Variants in TENM3 observed in about 807,000 individuals in gnomAD.
TENM3 encodes teneurin transmembrane protein 3.
A neutral mutation model predicts 255.1 loss-of-function variants in TENM3; 63 were observed. The observed-to-expected ratio is 0.25, with a 90% CI of 0.20 to 0.30. The LOEUF (loss-of-function observed/expected upper bound fraction) is 0.30. Ranked by LOEUF, TENM3 falls within the 10% of genes least tolerant of loss-of-function variation. The pLI, the probability that TENM3 is intolerant of heterozygous loss-of-function variation, is 1.00. For synonymous variants in TENM3, 1,306 were observed against 1,322.3 expected, an observed-to-expected ratio of 0.99 and a Z score of 0.27; for missense variants, 2,929 against 3,461.1, an observed-to-expected ratio of 0.85 and a Z score of 3.86.
the TENM3 span, among the ~76,000 whole-genome samples, chr4:181,981,983 TG>T: frequency 1.3e-5 from 2 of 152,044 alleles, no homozygotes; most frequent in Non-Finnish European, 2.9e-5. Context: ...GTGGTATACG[TG>T]GGAAGTGAAT....
chr4:181,897,838 ATTCT>A, the TENM3 span, among the ~76,000 whole-genome samples: 298 of 152,338 alleles, frequency 2.0e-3, 1 homozygote, highest in African/African-American at 6.8e-3. Flanking sequence ...AAATTTATTC[ATTCT>A]TTCTTCCCCT....
At chr4:181,687,771 C>G in the TENM3 span, among the ~76,000 whole-genome samples, 1 of 152,082 alleles carries the variant, frequency 6.6e-6, no homozygotes, top group African/African-American at 2.4e-5. Flanking sequence ...AGTAGTAAAG[C>G]CTGGTCAGCC....
chr4:181,895,185 A>T, the TENM3 span, among the ~76,000 whole-genome samples: 1 of 151,980 alleles, frequency 6.6e-6, no homozygotes, highest in Non-Finnish European at 1.5e-5. Flanking sequence ...TAACTGTTGG[A>T]TTTCATTCCC....
At chr4:181,980,615 G>A in the TENM3 span, among the ~76,000 whole-genome samples, 22 of 152,146 alleles carry the variant, frequency 1.4e-4, no homozygotes, top group East Asian at 3.7e-3. Flanking sequence ...TCTATTTTTA[G>A]TCTCACCCTG....
chr4:182,678,092 G>A (rs2152562066), intron 7 of TENM3, among the ~76,000 whole-genome samples: 1 of 152,006 alleles, frequency 6.6e-6, no homozygotes, highest in East Asian at 1.9e-4. Context: ...CACACTTCAG[G>A]AATAGAATGA....
chr4:181,902,741 A>G, the TENM3 span, among the ~76,000 whole-genome samples: 1 of 151,964 alleles, frequency 6.6e-6, no homozygotes. Context: ...AGGGAGGGGA[A>G]CATTACATAC....
the TENM3 span, among the ~76,000 whole-genome samples, chr4:181,927,780 C>G: frequency 6.6e-6 from 1 of 152,198 alleles, no homozygotes; most frequent in African/African-American, 2.4e-5. Flanking sequence ...AGAGCTCCAG[C>G]TGGCATCTGG....
At chr4:182,794,733 C>G (rs1766365152) in intron 26 of TENM3, among the ~76,000 whole-genome samples, 1 of 152,196 alleles carries the variant, frequency 6.6e-6, no homozygotes, top group South Asian at 2.1e-4. Flanking sequence ...AACATCAGAT[C>G]CCACTTCTGC....
chr4:181,923,584 C>G, the TENM3 span, among the ~76,000 whole-genome samples: 9 of 152,234 alleles, frequency 5.9e-5, 1 homozygote, highest in South Asian at 1.7e-3. Context: ...TTAGCCCCCA[C>G]TATTAAATAT....
intron 1 of TENM3, among the ~76,000 whole-genome samples, chr4:182,310,637 C>T (rs903941467): frequency 6.6e-6 from 1 of 151,810 alleles, no homozygotes; most frequent in African/African-American, 2.4e-5. Context: ...GTCTGTTCCA[C>T]CCCAACCCCT....
chr4:181,974,365 C>A, the TENM3 span, among the ~76,000 whole-genome samples: 2 of 151,994 alleles, frequency 1.3e-5, no homozygotes, highest in African/African-American at 4.8e-5. Context: ...GTCAGGAGTC[C>A]GAGACTAGCC....
intron 19 of TENM3, among the ~76,000 whole-genome samples, chr4:182,751,473 A>C (rs1368962468): frequency 1.3e-5 from 2 of 152,238 alleles, no homozygotes; most frequent in Non-Finnish European, 2.9e-5. Context: ...CTTTGCATTG[A>C]GCACAAAAGA....
rs377429153 is a variant in TENM3, at chr4:182,729,115, G to T, written c.2519G>T (p.Arg840Leu). ...SQQAAKSFYDRISFLIGSDST... is the reference protein window; with the variant it reads ...SQQAAKSFYDLISFLIGSDST... ...CAAGCTGCCAAATCCTTTTATGATCGAATCAGTTTCCTTATAGGATCTGAT... is the reference window on the plus strand; with the variant it reads ...CAAGCTGCCAAATCCTTTTATGATCTAATCAGTTTCCTTATAGGATCTGAT... The change falls in exon 14 of 28, where the codon CGA becomes CTA. Residue 840 changes from arginine (R) to leucine (L), a missense_variant. This residue lies in a region of TENM3 where 1,608 missense variants were observed against 1,884.4 expected (regional missense o/e 0.85). Coordinates refer to ENST00000511685, the MANE Select transcript of TENM3 (RefSeq NM_001080477.4). 1 of 1,613,924 alleles carries T rather than the reference G, an allele frequency of 6.2e-7. No individual in the cohort carries two copies. Among genetic ancestry groups the T allele is most frequent in the Non-Finnish European group, 8.5e-7 (1 of 1,179,880 alleles).
chr4:181,500,638 C>G, the TENM3 span, among the ~76,000 whole-genome samples: 1 of 152,120 alleles, frequency 6.6e-6, no homozygotes, highest in South Asian at 2.1e-4. Flanking sequence ...ATTGTCATCC[C>G]TCTGGTTTAC....
chr4:182,226,376 C>G (rs1006106871), intron 1 of TENM3, among the ~76,000 whole-genome samples: 3 of 152,034 alleles, frequency 2.0e-5, no homozygotes, highest in Non-Finnish European at 4.4e-5. Context: ...ATCTAGGCAC[C>G]AAAATTGGAC....
At chr4:181,887,749 T>G in the TENM3 span, among the ~76,000 whole-genome samples, 2 of 152,228 alleles carry the variant, frequency 1.3e-5, no homozygotes, top group Non-Finnish European at 2.9e-5. Flanking sequence ...CTTGGCATTT[T>G]AAAGACGAGA....
At chr4:182,654,472 C>T (rs544848973) in intron 6 of TENM3, among the ~76,000 whole-genome samples, 67 of 152,022 alleles carry the variant, frequency 4.4e-4, no homozygotes, top group South Asian at 8.3e-4. Flanking sequence ...CTTAGAAAAG[C>T]GTATACATAC....
At chr4:181,544,099 C>T in the TENM3 span, among the ~76,000 whole-genome samples, 1 of 151,860 alleles carries the variant, frequency 6.6e-6, no homozygotes, top group Non-Finnish European at 1.5e-5. Flanking sequence ...TTCATTATTG[C>T]CTTTCGTTCT....
chr4:181,960,948 T>G, the TENM3 span, among the ~76,000 whole-genome samples: 1 of 152,168 alleles, frequency 6.6e-6, no homozygotes, highest in East Asian at 1.9e-4. Flanking sequence ...TGACAGCCAT[T>G]GCAGATTGCT....
Sources: allele counts gnomAD v4.1 joint callset (sites outside exome capture counted in the v4.1 genomes callset), GRCh38; gene constraint gnomAD v4.1.1; regional missense constraint gnomAD v4.1.1; transcripts MANE v1.5; gene names NCBI Gene and HGNC (gene_info 2026-07-23, HGNC 2026-07-21).